KCNIP1: variants seen among roughly 807,000 people sequenced by gnomAD.
The protein encoded by KCNIP1 is A-type potassium channel modulatory protein KCNIP1.
Under a neutral mutation model 33.0 loss-of-function variants are expected in KCNIP1, and 18 were observed. That is an observed-to-expected ratio of 0.55 (90% CI 0.38 to 0.81). The LOEUF (loss-of-function observed/expected upper bound fraction) is 0.81. Ranked by LOEUF, KCNIP1 falls within the 30% of genes least tolerant of loss-of-function variation. The pLI, the probability that KCNIP1 is intolerant of heterozygous loss-of-function variation, is 0.00. For missense variants in KCNIP1, 238 were observed against 271.6 expected (o/e 0.88, Z 0.87); for synonymous variants, 93 against 98.3 (o/e 0.95, Z 0.32).
At chr5:170,465,164 T>C (rs1756582782) in intron 1 of KCNIP1, among the ~76,000 whole-genome samples, 2 of 152,256 alleles carry the variant, frequency 1.3e-5, no homozygotes, top group South Asian at 4.2e-4. Context: ...CATGCTACAG[T>C]TTGTGAGGAG....
At chr5:170,562,717 G>A (rs1757075837) in intron 1 of KCNIP1, among the ~76,000 whole-genome samples, 1 of 152,114 alleles carries the variant, frequency 6.6e-6, no homozygotes, top group Non-Finnish European at 1.5e-5. Flanking sequence ...TTCCAACAAG[G>A]GGCACATTTG....
chr5:170,631,143 G>A (rs1760037454), intron 1 of KCNIP1, among the ~76,000 whole-genome samples: 1 of 152,146 alleles, frequency 6.6e-6, no homozygotes, highest in Non-Finnish European at 1.5e-5. Flanking sequence ...ACAAAACAAT[G>A]GCTGCGAAAT....
chr5:170,564,020 G>C (rs1426700470), intron 1 of KCNIP1, among the ~76,000 whole-genome samples: 1 of 152,094 alleles, frequency 6.6e-6, no homozygotes, highest in Non-Finnish European at 1.5e-5. Context: ...TAAACACACA[G>C]AGTCCCCAAC....
intron 1 of KCNIP1, among the ~76,000 whole-genome samples, chr5:170,474,631 G>C (rs1756810592): frequency 6.6e-6 from 1 of 152,186 alleles, no homozygotes; most frequent in East Asian, 1.9e-4. Context: ...TCTAGCTTCA[G>C]TGGTATTACT....
At chr5:170,367,349 A>AGGAAAGAAGG (rs372538602) in intron 1 of KCNIP1, among the ~76,000 whole-genome samples, 28 of 76,940 alleles carry the variant, frequency 3.6e-4, no homozygotes, top group African/African-American at 1.5e-3. Flanking sequence ...GAAGGAAAGA[A>AGGAAAGAAGG]AAAGAAAGAA....
At chr5:170,524,858 G>A (rs1393062809) in intron 1 of KCNIP1, among the ~76,000 whole-genome samples, 1 of 152,186 alleles carries the variant, frequency 6.6e-6, no homozygotes, top group African/African-American at 2.4e-5. Context: ...CCTCTGGGTG[G>A]TCAAGTTCCC....
At chr5:170,491,653 C>T (rs1366092946) in intron 1 of KCNIP1, among the ~76,000 whole-genome samples, 2 of 152,206 alleles carry the variant, frequency 1.3e-5, no homozygotes, top group Non-Finnish European at 2.9e-5. Context: ...GAAGAAGGAA[C>T]ATTTTTGGAC....
chr5:170,584,944 T>C (rs984794430), intron 1 of KCNIP1, among the ~76,000 whole-genome samples: 5 of 152,112 alleles, frequency 3.3e-5, no homozygotes, highest in Admixed American at 3.3e-4. Context: ...TGGCCCCATC[T>C]ACTAGTGCTC....
intron 1 of KCNIP1, among the ~76,000 whole-genome samples, chr5:170,620,181 A>AT (rs1759548740): frequency 6.6e-6 from 1 of 152,176 alleles, no homozygotes; most frequent in Non-Finnish European, 1.5e-5. Context: ...TTGTCCCTAG[A>AT]GAGCCTTGTA....
intron 1 of KCNIP1, among the ~76,000 whole-genome samples, chr5:170,367,405 GAAAGAAAGAAAGAAAGGAAA>G (rs1763709900): frequency 1.7e-5 from 2 of 116,868 alleles, no homozygotes; most frequent in African/African-American, 7.2e-5. Context: ...AAGAAAGAAA[GAAAGAAAGAAAGAAAGGAAA>G]GAAAGAAAGA....
chr5:170,483,557 C>A (rs949193474), intron 1 of KCNIP1, among the ~76,000 whole-genome samples: 1 of 152,126 alleles, frequency 6.6e-6, no homozygotes, highest in African/African-American at 2.4e-5. Context: ...TGTGTGGGGC[C>A]GCAAGGTTCC....
In KCNIP1 at chr5:170,735,838, A is replaced by T. The variant is rs766548034; in HGVS notation, c.*32A>T. ...ACACTCAGCCATTCAGCTCTCAGAGACATTGTACTAAACAACCACCTTAAC... is the reference window on the plus strand; with the variant it reads ...ACACTCAGCCATTCAGCTCTCAGAGTCATTGTACTAAACAACCACCTTAAC... On this transcript the variant is annotated 3_prime_UTR_variant, in exon 8 of 8. Coordinates refer to ENST00000328939, the MANE Select transcript of KCNIP1 (RefSeq NM_014592.4). 41 of 1,597,236 alleles carry T rather than the reference A, an allele frequency of 2.6e-5. No homozygotes were observed. Among genetic ancestry groups the T allele is most frequent in the Non-Finnish European group, 2.7e-5 (31 of 1,165,120 alleles).
At chr5:170,449,884 T>C (rs546974235) in intron 1 of KCNIP1, among the ~76,000 whole-genome samples, 2 of 151,952 alleles carry the variant, frequency 1.3e-5, no homozygotes, top group African/African-American at 4.8e-5. Flanking sequence ...GTCAGGGTGG[T>C]AGGAAAAATT....
At chr5:170,413,336 T>A (rs1264730532) in intron 1 of KCNIP1, among the ~76,000 whole-genome samples, 1 of 152,198 alleles carries the variant, frequency 6.6e-6, no homozygotes, top group African/African-American at 2.4e-5. Context: ...GCCTTGGCAC[T>A]CGGTGGGCTC....
At chr5:170,475,190 C>T (rs1219548106) in intron 1 of KCNIP1, among the ~76,000 whole-genome samples, 2 of 152,216 alleles carry the variant, frequency 1.3e-5, no homozygotes, top group African/African-American at 4.8e-5. Context: ...CCTTGTAAGA[C>T]AGAAAAGTTC....
chr5:170,380,506 G>A (rs1764197221), intron 1 of KCNIP1, among the ~76,000 whole-genome samples: 1 of 152,242 alleles, frequency 6.6e-6, no homozygotes, highest in Non-Finnish European at 1.5e-5. Flanking sequence ...TGCCTGCCCT[G>A]AGGGCATTCA....
exon 1 of KCNIP1, chr5:170,353,826 G>A (rs764345473): frequency 6.4e-7 from 1 of 1,554,914 alleles, no homozygotes; most frequent in Non-Finnish European, 8.8e-7. Flanking sequence ...CACAAGGTGG[G>A]CACTGTCCCT....
chr5:170,399,748 T>C (rs1581154396), intron 1 of KCNIP1, among the ~76,000 whole-genome samples: 1 of 152,260 alleles, frequency 6.6e-6, no homozygotes, highest in Non-Finnish European at 1.5e-5. Flanking sequence ...GGCCCTATAA[T>C]AGTCCATCAT....
chr5:170,710,791 C>G (rs560126994), intron 1 of KCNIP1, among the ~76,000 whole-genome samples: 1 of 152,328 alleles, frequency 6.6e-6, no homozygotes, highest in South Asian at 2.1e-4. Context: ...TATGCTCTTC[C>G]CTTGTTCCCT....
Sources: gnomAD v4.1 joint callset for allele counts (sites outside exome capture counted in the v4.1 genomes callset) on GRCh38, gnomAD v4.1.1 for gene constraint, MANE v1.5 for transcripts, NCBI Gene and HGNC (gene_info 2026-07-23, HGNC 2026-07-21) for gene names.